SCUBE2: variants seen among roughly 807,000 people sequenced by gnomAD.
The protein encoded by SCUBE2 is signal peptide, CUB and EGF-like domain-containing protein 2.
A neutral mutation model predicts 125.9 loss-of-function variants in SCUBE2; 114 were observed. The ratio of observed to expected loss-of-function variants is 0.91; its 90% CI spans 0.78 to 1.06. The LOEUF (loss-of-function observed/expected upper bound fraction) is 1.06, where lower values mean the gene tolerates loss of function less well. Among genes scored for constraint, SCUBE2 ranks in the 50% least tolerant of loss-of-function variants. SCUBE2 has a pLI of 0.00. For synonymous variants in SCUBE2, 459 were observed against 492.9 expected, an observed-to-expected ratio of 0.93 and a Z score of 0.91; for missense variants, 1,255 against 1,301.8, an observed-to-expected ratio of 0.96 and a Z score of 0.55.
intron 15 of SCUBE2, 30 bp downstream of exon 15, chr11:9,047,913 C>T (rs1857963565): frequency 1.3e-6 from 2 of 1,579,098 alleles, no homozygotes; most frequent in African/African-American, 1.4e-5. Flanking sequence ...CCGTGAGAAG[C>T]CTGGCAATGC....
chr11:9,059,194 T>C (rs1177194404), intron 9 of SCUBE2, 109 bp downstream of exon 9: 5 of 1,286,156 alleles, frequency 3.9e-6, no homozygotes, highest in Non-Finnish European at 5.4e-6. Flanking sequence ...ATTGGATTAG[T>C]GGCCCTGTCA....
Position 9,026,558 on chromosome 11 carries a change from C to G in SCUBE2, c.2702-704G>C, listed in dbSNP as rs1214490594. The G allele has an allele frequency of 2.0e-5, 3 of 152,158 alleles. No homozygotes were observed. In the East Asian group the frequency reaches 5.8e-4, roughly 29 times the overall value. The allele number at this position is 152,158 out of a possible 1,614,324, so 9.4% of individuals were successfully genotyped here. ...TCCCAGGCTTAAGCGATTCACCCAT[C>G]TCAGCCTCCCGAGTAGCCGGAACCA... is the stretch of plus-strand genomic sequence containing the variant. On this transcript the variant is annotated intron_variant, in intron 20 of 22. Coordinates refer to ENST00000649792, the MANE Select transcript of SCUBE2 (RefSeq NM_001367977.2).
intron 2 of SCUBE2, among the ~76,000 whole-genome samples, chr11:9,087,099 A>G (rs1862157417): frequency 6.6e-6 from 1 of 152,070 alleles, no homozygotes; most frequent in South Asian, 2.1e-4. Flanking sequence ...AAATTTATAT[A>G]TATATATGGC....
In SCUBE2 at chr11:9,064,285, G is replaced by A. The variant is rs562490206; in HGVS notation, c.850+1606C>T. On this transcript the variant is annotated intron_variant, in intron 7 of 22. Transcript: ENST00000649792. ...AGTTCGAGACCAGCCTGGGCAACAG[G>A]GCAAAACCCTGTCTCTACAAAAAAT... is the stretch of plus-strand genomic sequence containing the variant. 3.3e-5 allele frequency among the ~76,000 whole-genome samples: 5 copies of A among 152,050 alleles called. No individual in the cohort carries two copies. The East Asian group carries it at 9.7e-4, about 29-fold the overall frequency.
At chr11:9,055,211 T>G (rs1476201104) in intron 10 of SCUBE2, among the ~76,000 whole-genome samples, 1 of 151,988 alleles carries the variant, frequency 6.6e-6, no homozygotes, top group African/African-American at 2.4e-5. Flanking sequence ...GGGAGTGGAG[T>G]GGGAGTTAGT....
intron 2 of SCUBE2, among the ~76,000 whole-genome samples, chr11:9,084,000 A>G (rs187811218): frequency 6.6e-6 from 1 of 152,292 alleles, no homozygotes; most frequent in African/African-American, 2.4e-5. Flanking sequence ...GAATGATGAC[A>G]CCCTAGTAGC....
Position 9,020,908 on chromosome 11 carries a change from T to C in SCUBE2, c.*137A>G, listed in dbSNP as rs573978852. 5 of 683,496 alleles carry C rather than the reference T, an allele frequency of 7.3e-6. No homozygotes were observed. In the African/African-American group the frequency reaches 9.2e-5, roughly 13 times the overall value. The allele number at this position is 683,496 out of a possible 1,614,324, so 42.3% of individuals were successfully genotyped here. On this transcript the variant is annotated 3_prime_UTR_variant, in exon 23 of 23. Coordinates refer to ENST00000649792, the MANE Select transcript of SCUBE2 (RefSeq NM_001367977.2). ...TCAATTTACCAAAATATCTGTATTA[T>C]CTATAAAAATTGAACTCTAATGAGT...
chr11:9,077,972 C>T (rs569707473), intron 3 of SCUBE2, among the ~76,000 whole-genome samples: 3 of 152,332 alleles, frequency 2.0e-5, no homozygotes, highest in Admixed American at 2.0e-4. Context: ...CTTATACTAC[C>T]CCCCGCCACC....
intron 13 of SCUBE2, among the ~76,000 whole-genome samples, chr11:9,051,768 GT>G (rs1858443509): frequency 6.6e-6 from 1 of 152,190 alleles, no homozygotes; most frequent in Non-Finnish European, 1.5e-5. Flanking sequence ...AAAGGAAAAT[GT>G]TTAGCTCCTT....
At chr11:9,047,233 G>T (rs1857868985) in intron 16 of SCUBE2, 123 bp downstream of exon 16, 1 of 951,772 alleles carries the variant, frequency 1.1e-6, no homozygotes, top group Non-Finnish European at 1.6e-6. Flanking sequence ...CAGAAGCACT[G>T]CCCGGAGTGT....
chr11:9,035,476 A>G (rs1337231222), intron 16 of SCUBE2, among the ~76,000 whole-genome samples: 1 of 152,234 alleles, frequency 6.6e-6, no homozygotes, highest in Admixed American at 6.5e-5. Flanking sequence ...AGGATTCTCT[A>G]TGGGGCTAGG....
intron 2 of SCUBE2, among the ~76,000 whole-genome samples, chr11:9,084,529 G>GAA (rs35366074): frequency 0.025 from 3,738 of 150,832 alleles, 141 homozygotes; most frequent in African/African-American, 0.085. Context: ...TTGCAAAGGG[G>GAA]AAAAAAAAAT....
intron 9 of SCUBE2, among the ~76,000 whole-genome samples, chr11:9,056,405 G>A (rs1258672572): frequency 1.3e-5 from 2 of 152,128 alleles, no homozygotes; most frequent in East Asian, 3.9e-4. Flanking sequence ...TTAGTCTTCT[G>A]GCCCCAAGAG....
At position 9,027,951 on chromosome 11, in the gene SCUBE2, ACTAT is replaced by A. The variant is rs1185929743; in HGVS notation, c.2504-394_2504-391del. The stretch of plus-strand genomic sequence containing the variant: ...GAACAGAGCTCATTGCTCTGCAGAG[ACTAT>A]CTGACCCTTTTTCAGAGAACTTTGA... On this transcript the variant is annotated intron_variant, in intron 19 of 22. Transcript: ENST00000649792. 4.6e-5 allele frequency among the ~76,000 whole-genome samples: 7 copies of A among 152,308 alleles called. No individual in the cohort carries two copies. The East Asian group carries it at 1.3e-3, about 29-fold the overall frequency.
chr11:9,044,108 G>A (rs570342371), intron 16 of SCUBE2, among the ~76,000 whole-genome samples: 1 of 152,248 alleles, frequency 6.6e-6, no homozygotes, highest in East Asian at 1.9e-4. Context: ...GTAGGGGTAG[G>A]GCTAATCAAT....
At chr11:9,082,728 C>G (rs1013853130) in intron 2 of SCUBE2, among the ~76,000 whole-genome samples, 1 of 152,106 alleles carries the variant, frequency 6.6e-6, no homozygotes, top group African/African-American at 2.4e-5. Flanking sequence ...CACAAAAGAC[C>G]GCATATTGTA....
In SCUBE2 at chr11:9,033,615, A is replaced by C; in HGVS notation, c.2173+11T>G. 1 of 1,612,350 alleles carries C rather than the reference A, an allele frequency of 6.2e-7. No homozygotes were observed. The highest frequency in any genetic ancestry group is 8.5e-7 in the Non-Finnish European group (1 of 1,179,230). On this transcript the variant is annotated intron_variant, in intron 17 of 22. Coordinates refer to ENST00000649792, the MANE Select transcript of SCUBE2 (RefSeq NM_001367977.2). ...ATGGGAGGAGTAGGAAGGAACAGACAGCATCCTTACCTCCACATTCAGACA... is the reference window on the plus strand; with the variant it reads ...ATGGGAGGAGTAGGAAGGAACAGACCGCATCCTTACCTCCACATTCAGACA...
intron 9 of SCUBE2, among the ~76,000 whole-genome samples, chr11:9,056,547 C>G (rs1412883658): frequency 2.0e-5 from 3 of 152,264 alleles, no homozygotes; most frequent in Non-Finnish European, 2.9e-5. Context: ...TTGGCCGATG[C>G]CTTGGTTTTG....
At chr11:9,027,204 A>G (rs1855843740) in intron 20 of SCUBE2, 160 bp downstream of exon 20, 2 of 678,064 alleles carry the variant, frequency 2.9e-6, no homozygotes, top group South Asian at 1.9e-5. Flanking sequence ...TGTGGCTTTC[A>G]TTTAAATTTT....
Sources: allele counts gnomAD v4.1 joint callset (sites outside exome capture counted in the v4.1 genomes callset), GRCh38; gene constraint gnomAD v4.1.1; transcripts MANE v1.5; gene names NCBI Gene and HGNC (gene_info 2026-07-23, HGNC 2026-07-21).